PCDH15: variants seen among roughly 807,000 people sequenced by gnomAD.
The protein encoded by PCDH15 is protocadherin-15.
Under a neutral mutation model 178.5 loss-of-function variants are expected in PCDH15, and 129 were observed. The observed-to-expected ratio is 0.72, with a 90% CI of 0.63 to 0.84. The LOEUF (loss-of-function observed/expected upper bound fraction) is 0.84, where lower values mean the gene tolerates loss of function less well. PCDH15 is among the 40% of genes least tolerant of loss of function. PCDH15 has a pLI of 0.00. For synonymous variants in PCDH15, 800 were observed against 732.0 expected (o/e 1.09, Z -1.50); for missense variants, 2,230 against 2,099.9 (o/e 1.06, Z -1.21).
chr10:54,562,630 A>G (rs188820569), intron 2 of PCDH15, among the ~76,000 whole-genome samples: 99 of 152,268 alleles, frequency 6.5e-4, no homozygotes, highest in Non-Finnish European at 1.1e-3. Context: ...CTAGATATAC[A>G]TACATGTAAC....
intron 26 of PCDH15, among the ~76,000 whole-genome samples, chr10:53,891,326 C>A (rs528647499): frequency 1.3e-5 from 2 of 152,164 alleles, no homozygotes; most frequent in South Asian, 4.1e-4. Flanking sequence ...AGGATGTGGC[C>A]TTTGAAACAT....
chr10:54,366,080 C>A (rs922204794), intron 5 of PCDH15, among the ~76,000 whole-genome samples: 4 of 151,926 alleles, frequency 2.6e-5, no homozygotes, highest in Admixed American at 2.6e-4. Context: ...GGATGATTGA[C>A]CTAAGGACTT....
At chr10:55,003,517 G>A (rs923127002) in intron 2 of PCDH15, among the ~76,000 whole-genome samples, 48 of 151,696 alleles carry the variant, frequency 3.2e-4, no homozygotes, top group African/African-American at 8.5e-4. Context: ...TGAGTAGAGC[G>A]TACTTTTGTA....
intron 2 of PCDH15, among the ~76,000 whole-genome samples, chr10:55,062,976 C>T (rs559028129): frequency 6.6e-6 from 1 of 152,154 alleles, no homozygotes; most frequent in East Asian, 1.9e-4. Context: ...CCTCATTTAT[C>T]CCCAAAACAA....
At chr10:55,243,933 T>C (rs1841619876) in intron 1 of PCDH15, among the ~76,000 whole-genome samples, 1 of 152,124 alleles carries the variant, frequency 6.6e-6, no homozygotes, top group Non-Finnish European at 1.5e-5. Context: ...TGTAAAATAA[T>C]GTAAATTCGG....
chr10:55,333,802 G>GA (rs1371522612), intron 2 of PCDH15, among the ~76,000 whole-genome samples: 1 of 150,824 alleles, frequency 6.6e-6, no homozygotes, highest in African/African-American at 2.4e-5. Flanking sequence ...AAAATTTCAA[G>GA]AAAAAAAAGC....
Position 54,219,108 on chromosome 10 carries a change from C to CA in PCDH15, c.986-5061dup, listed in dbSNP as rs1275399406. The stretch of plus-strand genomic sequence containing the variant: ...CTCTACTAAAAAAAAAAAAAAAAAA[C>CA]AAAAAAAAAACAAAAAATTAGCCGG... On this transcript the variant is annotated intron_variant, in intron 9 of 37. Coordinates refer to ENST00000644397, the MANE Select transcript of PCDH15 (RefSeq NM_001384140.1). Among the ~76,000 whole-genome samples, 389 of 77,066 alleles carry CA rather than the reference C, an allele frequency of 5.0e-3. 3 individuals are homozygous for CA. The highest frequency in any genetic ancestry group is 0.05 in the East Asian group (152 of 3,062). 50.6% of individuals were successfully genotyped at this position (77,066 alleles called of 152,430 possible). A position where few individuals can be genotyped will look rare whatever the true frequency, so the allele number is the denominator to read the frequency against.
chr10:54,069,030 T>C (rs150767766), intron 17 of PCDH15, among the ~76,000 whole-genome samples: 298 of 152,348 alleles, frequency 2.0e-3, no homozygotes, highest in Admixed American at 3.3e-3. Context: ...AAGGCTACCA[T>C]GCTTTCATGA....
At chr10:54,106,214 G>A (rs374493791) in intron 15 of PCDH15, among the ~76,000 whole-genome samples, 2 of 152,280 alleles carry the variant, frequency 1.3e-5, no homozygotes, top group Non-Finnish European at 1.5e-5. Context: ...GAACAACTAC[G>A]TGAATATATA....
intron 37 of PCDH15, chr10:53,809,073 A>C (rs772165950): frequency 1.2e-6 from 2 of 1,613,420 alleles, no homozygotes; most frequent in South Asian, 2.2e-5. Flanking sequence ...TTGCAAGCAC[A>C]ATGTTTTTCC....
At chr10:54,902,374 G>A (rs1787065202) in intron 2 of PCDH15, among the ~76,000 whole-genome samples, 1 of 152,114 alleles carries the variant, frequency 6.6e-6, no homozygotes, top group African/African-American at 2.4e-5. Context: ...ATTGGATTAT[G>A]GGGTCAGATT....
At chr10:55,515,797 T>C (rs928464531) in intron 2 of PCDH15, among the ~76,000 whole-genome samples, 1 of 152,182 alleles carries the variant, frequency 6.6e-6, no homozygotes, top group Non-Finnish European at 1.5e-5. Flanking sequence ...ACTTCTCTTA[T>C]ATTTAATCCA....
chr10:53,900,260 T>C (rs1018549033), intron 26 of PCDH15, among the ~76,000 whole-genome samples: 2 of 149,948 alleles, frequency 1.3e-5, no homozygotes, highest in African/African-American at 4.9e-5. Flanking sequence ...TGTCTCTCTC[T>C]CCCCTCTTTC....
In PCDH15 at chr10:54,400,041, G is replaced by A. The variant is rs111677093; in HGVS notation, c.158-21099C>T. 7.9e-3 allele frequency among the ~76,000 whole-genome samples: 1,204 copies of A among 152,182 alleles called. 13 individuals are homozygous for A. Among genetic ancestry groups the A allele is most frequent in the African/African-American group, 0.026 (1,092 of 41,542 alleles). ...CAGAGATGAATAAGGCAGAGAGAGA[G>A]CAAGGTTGTTGACACCCAGGTTCTA... On this transcript the variant is annotated intron_variant, in intron 3 of 37. Transcript: ENST00000644397.
chr10:55,602,077 G>A (rs1226617550), intron 2 of PCDH15, among the ~76,000 whole-genome samples: 5 of 152,112 alleles, frequency 3.3e-5, no homozygotes, highest in South Asian at 2.1e-4. Context: ...TCACTCGGGA[G>A]GCGCAAGGGG....
chr10:53,975,618 G>T (rs2090120990), intron 21 of PCDH15, among the ~76,000 whole-genome samples: 2 of 151,768 alleles, frequency 1.3e-5, no homozygotes, highest in African/African-American at 4.8e-5. Flanking sequence ...TTTTTAATAG[G>T]GTGTTTGTTT....
chr10:54,492,286 T>G (rs762124381), intron 3 of PCDH15, among the ~76,000 whole-genome samples: 29 of 152,160 alleles, frequency 1.9e-4, no homozygotes, highest in Non-Finnish European at 4.0e-4. Flanking sequence ...AGAGATGTGC[T>G]GAGACATTCA....
chr10:54,440,706 T>C (rs1350694411), intron 3 of PCDH15, among the ~76,000 whole-genome samples: 1 of 152,082 alleles, frequency 6.6e-6, no homozygotes, highest in Middle Eastern at 3.4e-3. Context: ...CTCAATATTT[T>C]GGTCCATATT....
At chr10:54,539,680 C>G (rs2084984876) in intron 2 of PCDH15, among the ~76,000 whole-genome samples, 1 of 152,232 alleles carries the variant, frequency 6.6e-6, no homozygotes, top group Admixed American at 6.5e-5. Context: ...AATATACATT[C>G]CTCTCATCTG....
Sources: gnomAD v4.1 joint callset for allele counts (sites outside exome capture counted in the v4.1 genomes callset) on GRCh38, gnomAD v4.1.1 for gene constraint, MANE v1.5 for transcripts, NCBI Gene and HGNC (gene_info 2026-07-23, HGNC 2026-07-21) for gene names.